Variants in DMXL1 observed in about 807,000 individuals in gnomAD.
DMXL1 encodes Dmx like 1, also known as dmX-like protein 1.
In DMXL1, 99 loss-of-function variants were observed where a neutral mutation model predicts 319.2. That is an observed-to-expected ratio of 0.31 (90% CI 0.26 to 0.37). DMXL1 has a LOEUF of 0.37. Ranked by LOEUF, DMXL1 falls within the 10% of genes least tolerant of loss-of-function variation. DMXL1 has a pLI of 1.00. For synonymous variants in DMXL1, 1,385 were observed against 1,235.2 expected, an observed-to-expected ratio of 1.12 and a Z score of -2.54; for missense variants, 3,745 against 3,595.6, an observed-to-expected ratio of 1.04 and a Z score of -1.06.
At chr5:119,182,008 T>G (rs1163283385) in intron 28 of DMXL1, among the ~76,000 whole-genome samples, 2 of 152,158 alleles carry the variant, frequency 1.3e-5, no homozygotes, top group East Asian at 3.8e-4. Flanking sequence ...AAATCTCAGT[T>G]TTTTTAAGGC....
rs140239890 is a variant in DMXL1, at chr5:119,094,782, T to C, written c.88-3197T>C. 4.1e-3 allele frequency among the ~76,000 whole-genome samples: 622 copies of C among 152,078 alleles called. 4 individuals carry two copies. The highest frequency in any genetic ancestry group is 0.015 in the African/African-American group (609 of 41,484). ...ACCAAGAGTATGGAAGAAGTTGATT[T>C]CATCCTTCACAAATTACTTTGAGGG... On this transcript the variant is annotated intron_variant, in intron 1 of 43. Transcript: ENST00000539542.
chr5:119,172,148 TACTC>T (rs1271465997), intron 25 of DMXL1, among the ~76,000 whole-genome samples, 179 bp downstream of exon 25: 1 of 152,202 alleles, frequency 6.6e-6, no homozygotes, highest in African/African-American at 2.4e-5. Flanking sequence ...TGGCTTATCT[TACTC>T]ATGTTACTTA....
intron 19 of DMXL1, among the ~76,000 whole-genome samples, chr5:119,158,468 A>T (rs200400180): frequency 1.3e-5 from 2 of 151,992 alleles, no homozygotes; most frequent in African/African-American, 4.8e-5. Context: ...ATGCCTTTTT[A>T]TTTCTTTCTC....
At chr5:119,117,149 G>A (rs964265113) in intron 7 of DMXL1, among the ~76,000 whole-genome samples, 3 of 152,148 alleles carry the variant, frequency 2.0e-5, no homozygotes, top group African/African-American at 4.8e-5. Context: ...CCGCCTCAGC[G>A]TCTCAAATAG....
intron 4 of DMXL1, among the ~76,000 whole-genome samples, chr5:119,107,225 C>A (rs1758553712): frequency 6.6e-6 from 1 of 151,922 alleles, no homozygotes; most frequent in Admixed American, 6.6e-5. Flanking sequence ...CCTGAGGTCT[C>A]AGCTATTCAG....
intron 1 of DMXL1, among the ~76,000 whole-genome samples, chr5:119,096,777 G>C (rs929623005): frequency 1.3e-5 from 2 of 152,194 alleles, no homozygotes; most frequent in African/African-American, 2.4e-5. Context: ...AACAAGTCTT[G>C]AGCTATGTAT....
At chr5:119,072,858 A>G (rs947548266) in intron 1 of DMXL1, among the ~76,000 whole-genome samples, 2 of 152,194 alleles carry the variant, frequency 1.3e-5, no homozygotes, top group South Asian at 2.1e-4. Flanking sequence ...ATACTTGGGA[A>G]AAGAGTGAGC....
intron 5 of DMXL1, among the ~76,000 whole-genome samples, chr5:119,112,706 G>A (rs905046376): frequency 6.6e-6 from 1 of 152,062 alleles, no homozygotes; most frequent in Non-Finnish European, 1.5e-5. Flanking sequence ...CCTGTAATCT[G>A]AACACTTTGG....
Position 119,133,910 on chromosome 5 carries a change from G to T in DMXL1, c.1986G>T (p.Arg662Ser), listed in dbSNP as rs1470834251. 1.2e-6 allele frequency: 2 copies of T among 1,613,946 alleles called. No individual in the cohort carries two copies. The highest frequency in any genetic ancestry group is 2.7e-5 in the African/African-American group (2 of 74,894). ...LLTTSHHNAL[R>S]TPDVDNPEQP... Reference sequence around the variant, plus strand: ...CAACATCACACCATAATGCATTAAGGACACCAGATGTTGATAACCCAGAGC... The same window carrying T: ...CAACATCACACCATAATGCATTAAGTACACCAGATGTTGATAACCCAGAGC... Residue 662 changes from arginine to serine, a missense_variant, in exon 12 of 44, where the codon AGG becomes AGT. This residue lies in a region of DMXL1 where 2,096 missense variants were observed against 1,985.4 expected (regional missense o/e 1.06). Transcript: ENST00000539542.
intron 36 of DMXL1, 149 bp downstream of exon 36, chr5:119,220,742 T>G: frequency 8.4e-7 from 1 of 1,183,540 alleles, no homozygotes; most frequent in African/African-American, 1.6e-5. Flanking sequence ...GGCAAGAGCT[T>G]TAAATAAGGG....
In DMXL1 at chr5:119,239,024, T is replaced by C; in HGVS notation, c.8595T>C (p.Phe2865=). Residue 2865 remains phenylalanine, a synonymous_variant, in exon 41 of 44, where the codon TTT becomes TTC. Coordinates refer to ENST00000539542, the MANE Select transcript of DMXL1 (RefSeq NM_001290321.3). ...GTCATAACAAAACAGCCAATGATTT[T>C]GTCTTCGTTAGTTCCTCCTCTCTGA... is the stretch of plus-strand genomic sequence containing the variant. The part of the protein sequence containing the change: ...WQCHNKTAND[F]VFVSSSSLIA... 1.2e-6 allele frequency: 2 copies of C among 1,613,906 alleles called. No individual in the cohort carries two copies. Among genetic ancestry groups the C allele is most frequent in the Non-Finnish European group, 1.7e-6 (2 of 1,179,934 alleles).
chr5:119,089,277 CATAT>C (rs1311893867), intron 1 of DMXL1, among the ~76,000 whole-genome samples: 1 of 31,492 alleles, frequency 3.2e-5, no homozygotes, highest in South Asian at 1.9e-3. Flanking sequence ...TATATATATA[CATAT>C]ATATATATAT....
chr5:119,077,494 T>G (rs927387361), intron 1 of DMXL1, among the ~76,000 whole-genome samples: 14 of 144,692 alleles, frequency 9.7e-5, no homozygotes, highest in Non-Finnish European at 2.0e-4. Context: ...TTTTTTTTTT[T>G]TTTTTTTTTT....
chr5:119,071,705 CA>C (rs763155314), intron 1 of DMXL1, 49 bp downstream of exon 1: 7 of 1,486,234 alleles, frequency 4.7e-6, no homozygotes, highest in South Asian at 2.4e-5. Flanking sequence ...CTTTGCCCGT[CA>C]TTCTGGGCCG....
chr5:119,158,507 A>G (rs1771590050), intron 19 of DMXL1, among the ~76,000 whole-genome samples: 6 of 152,298 alleles, frequency 3.9e-5, no homozygotes, highest in Middle Eastern at 6.8e-3. Flanking sequence ...AGGGACTTCT[A>G]GTACTATCAT....
chr5:119,236,130 A>G (rs1787711161), intron 39 of DMXL1, among the ~76,000 whole-genome samples: 1 of 152,126 alleles, frequency 6.6e-6, no homozygotes, highest in African/African-American at 2.4e-5. Context: ...TTGCCTGGCC[A>G]GTAGCCTTCT....
intron 32 of DMXL1, among the ~76,000 whole-genome samples, chr5:119,200,146 C>T (rs553411363): frequency 1.1e-4 from 16 of 152,148 alleles, no homozygotes; most frequent in Admixed American, 5.2e-4. Context: ...AAAATCTTTG[C>T]CTGTTCCTGT....
intron 37 of DMXL1, among the ~76,000 whole-genome samples, chr5:119,222,708 T>C (rs1253292187): frequency 1.3e-5 from 2 of 152,154 alleles, no homozygotes; most frequent in South Asian, 4.1e-4. Flanking sequence ...CCAATACGGC[T>C]TTTAAATAAC....
At chr5:119,072,002 T>A (rs1007166942) in intron 1 of DMXL1, among the ~76,000 whole-genome samples, 7 of 152,154 alleles carry the variant, frequency 4.6e-5, no homozygotes, top group African/African-American at 1.7e-4. Context: ...TAGGTTCAAA[T>A]TGTCAAATTT....
Sources: gnomAD v4.1 joint callset for allele counts (sites outside exome capture counted in the v4.1 genomes callset) on GRCh38, gnomAD v4.1.1 for gene constraint, gnomAD v4.1.1 regional missense constraint, MANE v1.5 for transcripts, NCBI Gene and HGNC (gene_info 2026-07-23, HGNC 2026-07-21) for gene names.